AUTS2: variants seen among roughly 807,000 people sequenced by gnomAD.
AUTS2 encodes the protein activator of transcription and developmental regulator AUTS2.
In AUTS2, 17 loss-of-function variants were observed where a neutral mutation model predicts 112.4. The observed-to-expected ratio is 0.15, with a 90% CI of 0.10 to 0.23. The LOEUF is 0.23. Ranked by LOEUF, AUTS2 falls within the 10% of genes least tolerant of loss-of-function variation. The pLI, the probability that AUTS2 is intolerant of heterozygous loss-of-function variation, is 1.00. For synonymous variants in AUTS2, 751 were observed against 702.7 expected (o/e 1.07, Z -1.09); for missense variants, 1,510 against 1,701.6 (o/e 0.89, Z 1.98).
chr7:70,703,212 C>T (rs193255828), intron 6 of AUTS2, among the ~76,000 whole-genome samples: 34 of 152,108 alleles, frequency 2.2e-4, no homozygotes, highest in Non-Finnish European at 3.7e-4. Flanking sequence ...AACCCATTCC[C>T]GCCGAGCATG....
Position 70,644,597 on chromosome 7 carries a change from T to C in AUTS2, c.691-53972T>C, listed in dbSNP as rs528668962. Among the ~76,000 whole-genome samples the C allele has an allele frequency of 2.0e-5, 3 of 152,248 alleles. No homozygotes were observed. The South Asian group carries it at 6.2e-4, about 32-fold the overall frequency. The stretch of plus-strand genomic sequence containing the variant: ...TCACTTGCCTCCCCTGGGGCACTTA[T>C]TTGTGCTATTCACCCCCACCCCTCC... On this transcript the variant is annotated intron_variant, in intron 5 of 18. Transcript: ENST00000342771.
At chr7:70,476,080 G>C (rs1797571261) in intron 5 of AUTS2, among the ~76,000 whole-genome samples, 1 of 152,074 alleles carries the variant, frequency 6.6e-6, no homozygotes, top group South Asian at 2.1e-4. Context: ...TTCCATATAG[G>C]ATCTGGGCCA....
chr7:69,795,445 C>T (rs1584257407), intron 1 of AUTS2, among the ~76,000 whole-genome samples: 1 of 152,074 alleles, frequency 6.6e-6, no homozygotes, highest in South Asian at 2.1e-4. Flanking sequence ...TTTGGGACAT[C>T]GAGGCAGGAG....
chr7:69,904,382 C>T, intron 2 of AUTS2, among the ~76,000 whole-genome samples: 1 of 152,200 alleles, frequency 6.6e-6, no homozygotes, highest in Non-Finnish European at 1.5e-5. Context: ...CAGTTCAAGT[C>T]TCGTTTCTGA....
chr7:70,303,332 A>G (rs1351838692), intron 4 of AUTS2, among the ~76,000 whole-genome samples: 1 of 152,100 alleles, frequency 6.6e-6, no homozygotes, highest in Non-Finnish European at 1.5e-5. Context: ...TGACTTTCTG[A>G]CAGCAGGGAG....
At chr7:70,453,182 C>T (rs2131089156) in intron 5 of AUTS2, among the ~76,000 whole-genome samples, 1 of 152,302 alleles carries the variant, frequency 6.6e-6, no homozygotes, top group Middle Eastern at 3.4e-3. Context: ...CAGTGTGCCC[C>T]TCAAAGAATG....
chr7:70,003,395 AAT>A (rs1276588831), intron 2 of AUTS2, among the ~76,000 whole-genome samples: 25 of 113,304 alleles, frequency 2.2e-4, no homozygotes, highest in African/African-American at 8.5e-4. Flanking sequence ...ATAACATATG[AAT>A]ATATATAATA....
chr7:70,366,408 G>C (rs1444037294), intron 4 of AUTS2, among the ~76,000 whole-genome samples: 1 of 152,202 alleles, frequency 6.6e-6, no homozygotes, highest in Non-Finnish European at 1.5e-5. Flanking sequence ...TCCCCAGAGA[G>C]AGAGAAAGTG....
At chr7:69,677,084 G>A (rs1479462676) in intron 1 of AUTS2, among the ~76,000 whole-genome samples, 2 of 152,114 alleles carry the variant, frequency 1.3e-5, no homozygotes, top group Non-Finnish European at 2.9e-5. Flanking sequence ...GTTAAATGGA[G>A]CTTTTTGAGT....
At chr7:70,416,474 C>T (rs145529668) in intron 4 of AUTS2, among the ~76,000 whole-genome samples, 37 of 152,310 alleles carry the variant, frequency 2.4e-4, no homozygotes, top group African/African-American at 8.9e-4. Flanking sequence ...CTTGCCCAAG[C>T]TCAATGCTCT....
intron 2 of AUTS2, among the ~76,000 whole-genome samples, chr7:70,082,430 G>A (rs745546652): frequency 2.0e-5 from 3 of 152,124 alleles, no homozygotes; most frequent in African/African-American, 4.8e-5. Flanking sequence ...TTTTACTTGT[G>A]CATATGTTTT....
At chr7:69,776,057 G>A (rs1219908027) in intron 1 of AUTS2, among the ~76,000 whole-genome samples, 1 of 152,088 alleles carries the variant, frequency 6.6e-6, no homozygotes, top group Non-Finnish European at 1.5e-5. Context: ...TGCTTACTTA[G>A]TTGGTCTTTG....
intron 5 of AUTS2, among the ~76,000 whole-genome samples, chr7:70,450,712 G>A (rs755714139): frequency 3.3e-5 from 5 of 152,132 alleles, no homozygotes; most frequent in Admixed American, 2.0e-4. Flanking sequence ...TCAGGCAGTG[G>A]CATGAAGGAT....
At chr7:69,768,188 G>C (rs1584216387) in intron 1 of AUTS2, among the ~76,000 whole-genome samples, 1 of 152,128 alleles carries the variant, frequency 6.6e-6, no homozygotes, top group African/African-American at 2.4e-5. Flanking sequence ...CATGACCATG[G>C]CCCGAAATAG....
chr7:69,691,141 G>C (rs1797326157), intron 1 of AUTS2, among the ~76,000 whole-genome samples: 1 of 152,208 alleles, frequency 6.6e-6, no homozygotes, highest in Non-Finnish European at 1.5e-5. Flanking sequence ...GGGCTCGGAA[G>C]GGAGGAAGTA....
intron 1 of AUTS2, among the ~76,000 whole-genome samples, chr7:69,879,809 A>T (rs1793964599): frequency 6.6e-6 from 1 of 151,714 alleles, no homozygotes; most frequent in Non-Finnish European, 1.5e-5. Context: ...ATTGATTTTT[A>T]TTTTTTTTGA....
intron 2 of AUTS2, among the ~76,000 whole-genome samples, chr7:70,113,507 G>A (rs1584741695): frequency 1.3e-5 from 2 of 152,094 alleles, no homozygotes; most frequent in Admixed American, 1.3e-4. Context: ...TCTTGAAAAA[G>A]GAGAATCTTT....
At position 69,926,838 on chromosome 7, in the gene AUTS2, G is replaced by A. The variant is rs992385361; in HGVS notation, c.522+27340G>A. On this transcript the variant is annotated intron_variant, in intron 2 of 18. Coordinates refer to ENST00000342771, the MANE Select transcript of AUTS2 (RefSeq NM_015570.4). ...TATATAAGATATATAGTATATATAA[G>A]ATATATCATGTATATATAGTATATA... Among the ~76,000 whole-genome samples, 7 of 144,336 alleles carry A rather than the reference G, an allele frequency of 4.8e-5. No homozygotes were observed. The South Asian group carries it at 1.5e-3, about 31-fold the overall frequency. 94.7% of individuals were successfully genotyped at this position (144,336 alleles called of 152,430 possible). A position where few individuals can be genotyped will look rare whatever the true frequency, so the allele number is the denominator to read the frequency against.
At chr7:70,346,961 C>T (rs1417325659) in intron 4 of AUTS2, among the ~76,000 whole-genome samples, 2 of 152,298 alleles carry the variant, frequency 1.3e-5, no homozygotes, top group Non-Finnish European at 2.9e-5. Context: ...AAGCAGTCTC[C>T]TTTCTGTTCA....
Sources: gnomAD v4.1 joint callset for allele counts (sites outside exome capture counted in the v4.1 genomes callset) on GRCh38, gnomAD v4.1.1 for gene constraint, MANE v1.5 for transcripts, NCBI Gene and HGNC (gene_info 2026-07-23, HGNC 2026-07-21) for gene names.